The following DNAH11 variants were observed in gnomAD, a reference collection of about 807,000 sequenced individuals.
The protein encoded by DNAH11 is dynein axonemal heavy chain 11.
A neutral mutation model predicts 526.0 loss-of-function variants in DNAH11; 442 were observed. The observed-to-expected ratio is 0.84, with a 90% CI of 0.78 to 0.91. The LOEUF (loss-of-function observed/expected upper bound fraction) is 0.91, where lower values mean the gene tolerates loss of function less well. Ranked by LOEUF, DNAH11 falls within the 40% of genes least tolerant of loss-of-function variation. DNAH11 has a pLI of 0.00. For synonymous variants in DNAH11, 2,461 were observed against 1,935.9 expected, an observed-to-expected ratio of 1.27 and a Z score of -7.12; for missense variants, 6,989 against 5,448.7, an observed-to-expected ratio of 1.28 and a Z score of -8.90.
intron 51 of DNAH11, 81 bp downstream of exon 51, chr7:21,745,144 A>T: frequency 7.2e-7 from 1 of 1,398,132 alleles, no homozygotes; most frequent in Non-Finnish European, 9.8e-7. Flanking sequence ...AATAGATCAT[A>T]CTAAGCACTC....
intron 61 of DNAH11, 62 bp from the exon 62 acceptor site, chr7:21,801,075 A>G: frequency 6.6e-7 from 1 of 1,525,166 alleles, no homozygotes; most frequent in South Asian, 1.2e-5. Context: ...ATGTTTTAAG[A>G]TGATGGTAAT....
chr7:21,898,995 C>T (rs564868541), intron 79 of DNAH11, among the ~76,000 whole-genome samples: 2 of 151,604 alleles, frequency 1.3e-5, no homozygotes, highest in African/African-American at 2.4e-5. Context: ...TCCAAGTTGG[C>T]GCTTGTCAGT....
At chr7:21,592,814 G>T (rs148648431) in intron 14 of DNAH11, among the ~76,000 whole-genome samples, 1 of 152,292 alleles carries the variant, frequency 6.6e-6, no homozygotes, top group African/African-American at 2.4e-5. Flanking sequence ...TTTGGTCTGA[G>T]TGATTGGACT....
intron 20 of DNAH11, among the ~76,000 whole-genome samples, chr7:21,612,660 C>G (rs768883501): frequency 1.5e-4 from 23 of 151,618 alleles, no homozygotes; most frequent in Admixed American, 6.6e-4. Context: ...TTCCAGGAAC[C>G]TGAAGAAGAA....
At chr7:21,586,959 C>T (rs771857969) in intron 9 of DNAH11, among the ~76,000 whole-genome samples, 1 of 152,160 alleles carries the variant, frequency 6.6e-6, no homozygotes, top group Non-Finnish European at 1.5e-5. Context: ...CTAGCTGTTA[C>T]GAATTTGGGA....
chr7:21,744,791 C>T, intron 50 of DNAH11, 79 bp from the exon 51 acceptor site: 1 of 1,510,812 alleles, frequency 6.6e-7, no homozygotes, highest in Non-Finnish European at 8.9e-7. Flanking sequence ...CAAGCTTTTC[C>T]CTTGCTAGGC....
Position 21,899,989 on chromosome 7 carries a change from AGAC to A in DNAH11, c.13175_13177del (p.Thr4392del). On this transcript the variant is annotated inframe_deletion, in exon 81 of 82. Transcript: ENST00000409508. The stretch of plus-strand genomic sequence containing the variant: ...TGTTATATTTCCAAAGCAATCATGC[AGAC>A]GATGGCTCGAAAAAATGAGTGGCCC... The A allele has an allele frequency of 6.2e-7, 1 of 1,613,922 alleles. No homozygotes were observed. The highest frequency in any genetic ancestry group is 8.5e-7 in the Non-Finnish European group (1 of 1,179,852).
intron 45 of DNAH11, among the ~76,000 whole-genome samples, chr7:21,729,354 C>T (rs1012355498): frequency 5.9e-5 from 9 of 152,206 alleles, no homozygotes; most frequent in African/African-American, 2.2e-4. Flanking sequence ...CTAAGAATTA[C>T]ACCCCTAATT....
intron 63 of DNAH11, among the ~76,000 whole-genome samples, chr7:21,812,018 T>C (rs1789545739): frequency 6.6e-6 from 1 of 152,140 alleles, no homozygotes; most frequent in African/African-American, 2.4e-5. Flanking sequence ...GGGGGTGTTG[T>C]ATAATCTTCC....
intron 25 of DNAH11, among the ~76,000 whole-genome samples, chr7:21,627,136 T>G (rs906032394): frequency 3.9e-5 from 6 of 152,142 alleles, no homozygotes; most frequent in African/African-American, 1.4e-4. Flanking sequence ...GTTTTGCCAC[T>G]GGGTTGTTTG....
In DNAH11 at chr7:21,899,336, G is replaced by T; in HGVS notation, c.13050G>T (p.Trp4350Cys). 3.7e-6 allele frequency: 6 copies of T among 1,613,684 alleles called. No homozygotes were observed. The highest frequency in any genetic ancestry group is 4.2e-6 in the Non-Finnish European group (5 of 1,179,660). Residue 4350 changes from tryptophan (W) to cysteine (C), a missense_variant and splice_region_variant, in exon 80 of 82, where the codon TGG becomes TGT. Physicochemically the swap from Trp to Cys is radical, Grantham distance 215. Transcript: ENST00000409508. ...AYPSTYGLAQ[W>C]FNDLLLRCRE... ...TTTCTTCCTCCCTCCCATAAACCAG[G>T]TTCAATGACCTCCTCCTGCGATGCC...
chr7:21,549,931 G>A (rs1049627514), intron 2 of DNAH11, among the ~76,000 whole-genome samples: 25 of 152,270 alleles, frequency 1.6e-4, no homozygotes, highest in Admixed American at 7.8e-4. Flanking sequence ...GGGTGCTACC[G>A]TCTTGGTTAC....
intron 25 of DNAH11, among the ~76,000 whole-genome samples, chr7:21,620,440 C>G (rs1438212125): frequency 1.3e-5 from 2 of 152,034 alleles, no homozygotes; most frequent in African/African-American, 4.8e-5. Context: ...ATGAGTTCAA[C>G]TTTTTTAGAT....
chr7:21,572,809 G>GT (rs1269715534), intron 8 of DNAH11, among the ~76,000 whole-genome samples: 1 of 152,202 alleles, frequency 6.6e-6, no homozygotes, highest in East Asian at 1.9e-4. Flanking sequence ...GGACACTGCT[G>GT]TAATAGGTGA....
Position 21,720,742 on chromosome 7 carries a change from G to A in DNAH11, c.7152G>A (p.Leu2384=). The change falls in exon 44 of 82, where the codon TTG becomes TTA. Residue 2384 remains leucine (L), a synonymous_variant. Transcript: ENST00000409508. ...SSLVQTLCVL[L]ECLLTPENVP... is the part of the protein sequence containing the mutation. ...TTCTTTAGACTCTATGTGTTCTTTT[G>A]GAGTGCTTGCTGACTCCTGAAAATG... 1 of 1,579,614 alleles carries A rather than the reference G, an allele frequency of 6.3e-7. No homozygotes were observed.
chr7:21,774,077 T>A, intron 56 of DNAH11, 78 bp downstream of exon 56: 2 of 1,265,424 alleles, frequency 1.6e-6, no homozygotes, highest in South Asian at 1.7e-5. Flanking sequence ...GAAGCACTAC[T>A]AAATCCATTT....
intron 65 of DNAH11, among the ~76,000 whole-genome samples, chr7:21,833,241 T>C (rs1781857787): frequency 6.6e-6 from 1 of 152,236 alleles, no homozygotes; most frequent in South Asian, 2.1e-4. Flanking sequence ...AACATGAAGT[T>C]CATGAAGTAT....
intron 46 of DNAH11, among the ~76,000 whole-genome samples, chr7:21,736,905 A>T (rs1315626764): frequency 6.6e-6 from 1 of 152,218 alleles, no homozygotes; most frequent in African/African-American, 2.4e-5. Flanking sequence ...TGTGTAGGGT[A>T]TGTTTTTCAT....
At chr7:21,900,963 T>A (rs774696996) in intron 81 of DNAH11, 44 bp from the exon 82 acceptor site, 6 of 1,523,500 alleles carry the variant, frequency 3.9e-6, no homozygotes, top group Non-Finnish European at 2.6e-6. Flanking sequence ...TTATCATTAG[T>A]AGCAAGCTGC....
Sources: gnomAD v4.1 joint callset for allele counts (sites outside exome capture counted in the v4.1 genomes callset) on GRCh38, gnomAD v4.1.1 for gene constraint, MANE v1.5 for transcripts, NCBI Gene and HGNC (gene_info 2026-07-23, HGNC 2026-07-21) for gene names.